EIPR1: variants seen among roughly 807,000 people sequenced by gnomAD.
EIPR1 encodes EARP and GARP complex-interacting protein 1.
In EIPR1, 25 loss-of-function variants were observed where a neutral mutation model predicts 48.1. The ratio of observed to expected loss-of-function variants is 0.52; its 90% confidence interval spans 0.38 to 0.73. EIPR1 has a LOEUF of 0.73. Ranked by LOEUF, EIPR1 falls within the 30% of genes least tolerant of loss-of-function variation. The pLI is 0.00. For synonymous variants in EIPR1, 204 were observed against 201.9 expected (o/e 1.01, Z -0.09); for missense variants, 415 against 506.2 (o/e 0.82, Z 1.73).
At chr2:3,257,681 T>C in intron 3 of EIPR1, 1 of 421,022 alleles carries the variant, frequency 2.4e-6, no homozygotes, top group South Asian at 5.7e-5. Flanking sequence ...TTTCTCTTTG[T>C]TTTAAAAACC....
intron 5 of EIPR1, among the ~76,000 whole-genome samples, chr2:3,204,551 G>A (rs55760441): frequency 6.6e-6 from 1 of 152,136 alleles, no homozygotes; most frequent in Non-Finnish European, 1.5e-5. Flanking sequence ...AGAATATTCA[G>A]TGCTTCCTGG....
intron 4 of EIPR1, among the ~76,000 whole-genome samples, chr2:3,220,276 A>G (rs1324345487): frequency 1.3e-5 from 2 of 152,204 alleles, no homozygotes; most frequent in Non-Finnish European, 2.9e-5. Context: ...AGTCAGGAAC[A>G]CATGCACACA....
intron 8 of EIPR1, 84 bp downstream of exon 8, chr2:3,192,330 A>G: frequency 6.9e-7 from 1 of 1,445,982 alleles, no homozygotes; most frequent in Middle Eastern, 2.2e-4. Context: ...GAAACTTTCT[A>G]CATACACAGC....
chr2:3,312,537 C>G lies in EIPR1; in HGVS notation c.259+25480G>C, dbSNP rs544345153. Among the ~76,000 whole-genome samples, 5 of 152,330 alleles carry G rather than the reference C, an allele frequency of 3.3e-5. No homozygotes were observed. Among genetic ancestry groups the G allele is most frequent in the South Asian group, 2.1e-4 (1 of 4,826 alleles). The stretch of plus-strand genomic sequence containing the variant: ...CCATGGTCCTCCCAAGGCTCCCTCC[C>G]ACCACTCAGCACCTGCTCATCATTG... On this transcript the variant is annotated intron_variant, in intron 3 of 8. Transcript: ENST00000382125. This position sits in a 1 kb window ranked among gnomAD's most constrained non-coding sequence, Gnocchi z 5.5.
chr2:3,228,868 A>G (rs1001210656), intron 4 of EIPR1, among the ~76,000 whole-genome samples: 3 of 152,098 alleles, frequency 2.0e-5, no homozygotes, highest in African/African-American at 7.2e-5. Context: ...TTCCACCATG[A>G]TTGTAAGTTT....
chr2:3,268,557 AG>A lies in EIPR1; in HGVS notation c.260-11103del, dbSNP rs1238367478. ...CGCCTGTGACTCTTCTACCACACTT[AG>A]CGCTTCTTTATACTAAACTTCCCTG... On this transcript the variant is annotated intron_variant, in intron 3 of 8. Coordinates refer to ENST00000382125, the MANE Select transcript of EIPR1 (RefSeq NM_003310.5). Among the ~76,000 whole-genome samples, 5 of 152,118 alleles carry A rather than the reference AG, an allele frequency of 3.3e-5. No homozygotes were observed. In the East Asian group the frequency reaches 9.7e-4, roughly 30 times the overall value.
chr2:3,273,442 G>C (rs553569515), intron 3 of EIPR1, among the ~76,000 whole-genome samples: 5 of 151,982 alleles, frequency 3.3e-5, no homozygotes, highest in Admixed American at 6.5e-5. Context: ...AAAAACACAG[G>C]CTCCTTAAAA....
At chr2:3,307,346 C>T (rs748885415) in intron 3 of EIPR1, among the ~76,000 whole-genome samples, 3 of 152,198 alleles carry the variant, frequency 2.0e-5, no homozygotes, top group Non-Finnish European at 4.4e-5. Context: ...CCGGACCCAG[C>T]GGCTCCTGCC....
intron 3 of EIPR1, among the ~76,000 whole-genome samples, chr2:3,289,544 G>A (rs1178753335): frequency 6.6e-6 from 1 of 151,978 alleles, no homozygotes; most frequent in African/African-American, 2.4e-5. Context: ...TGGTTCCCTC[G>A]GTCTCCCTCC....
rs6729074 is a variant in EIPR1, at chr2:3,257,599, A to G, written c.260-144T>C. Reference sequence around the variant, plus strand: ...GTACGATTGCAGGCAGCAAAGACGGAGCAGGGAGAAGCACAGCCTGAGTCG... The same window carrying G: ...GTACGATTGCAGGCAGCAAAGACGGGGCAGGGAGAAGCACAGCCTGAGTCG... On this transcript the variant is annotated intron_variant, in intron 3 of 8. Transcript: ENST00000382125. 5.0e-3 allele frequency: 4,711 copies of G among 943,144 alleles called. 140 individuals are homozygous for G. The African/African-American group carries it at 0.068, about 14-fold the overall frequency. The allele number at this position is 943,144 out of a possible 1,614,324, so 58.4% of individuals were successfully genotyped here.
At chr2:3,195,573 A>G (rs1181023839) in intron 6 of EIPR1, among the ~76,000 whole-genome samples, 1 of 152,202 alleles carries the variant, frequency 6.6e-6, no homozygotes, top group African/African-American at 2.4e-5. Flanking sequence ...AAACTTTTAA[A>G]TCTTTCAAGG....
At chr2:3,216,872 G>A (rs1040367321) in intron 4 of EIPR1, among the ~76,000 whole-genome samples, 3 of 152,148 alleles carry the variant, frequency 2.0e-5, no homozygotes, top group Non-Finnish European at 4.4e-5. Flanking sequence ...AGTTATAACC[G>A]TTAGTACATT....
chr2:3,214,452 C>A, intron 4 of EIPR1: 1 of 470,564 alleles, frequency 2.1e-6, no homozygotes. Context: ...GCCCCCCTCC[C>A]CAGATTCATG....
chr2:3,278,406 T>A (rs1176297155), intron 3 of EIPR1, among the ~76,000 whole-genome samples: 2 of 152,278 alleles, frequency 1.3e-5, no homozygotes, highest in East Asian at 3.9e-4. Context: ...AACCTGCCTT[T>A]AACCTGTGGC....
At chr2:3,289,932 G>A (rs1275740360) in intron 3 of EIPR1, among the ~76,000 whole-genome samples, 1 of 152,224 alleles carries the variant, frequency 6.6e-6, no homozygotes, top group Non-Finnish European at 1.5e-5. Context: ...TCCAGGGTGA[G>A]TGCCGCAGTT....
chr2:3,377,412 G>A (rs1659925262), intron 1 of EIPR1: 9 of 447,494 alleles, frequency 2.0e-5, no homozygotes, highest in Non-Finnish European at 3.2e-5. Flanking sequence ...CAGAAGTCAT[G>A]TTCGGGACAG....
At chr2:3,289,502 T>C (rs947623983) in intron 3 of EIPR1, among the ~76,000 whole-genome samples, 2 of 152,152 alleles carry the variant, frequency 1.3e-5, no homozygotes, top group African/African-American at 4.8e-5. Flanking sequence ...CTCCCCACTC[T>C]GCACCAGCCT....
intron 3 of EIPR1, among the ~76,000 whole-genome samples, chr2:3,329,261 G>A (rs13005022): frequency 0.029 from 1,532 of 52,722 alleles, 73 homozygotes; most frequent in East Asian, 0.084. Context: ...GGCTCCCCTG[G>A]ATCAGACTCT....
At chr2:3,198,297 G>T (rs1869421) in intron 5 of EIPR1, among the ~76,000 whole-genome samples, 132,495 of 151,710 alleles carry the variant, frequency 0.87, 58,369 homozygotes, top group Middle Eastern at 0.92. Context: ...AAGACCTGGT[G>T]TCCCCCCAGT....
Sources: allele counts gnomAD v4.1 joint callset (sites outside exome capture counted in the v4.1 genomes callset), GRCh38; gene constraint gnomAD v4.1.1; non-coding constraint Gnocchi (gnomAD v3.1); transcripts MANE v1.5; gene names NCBI Gene and HGNC (gene_info 2026-07-23, HGNC 2026-07-21).